Variants in GALNT13 observed in about 807,000 individuals in gnomAD.
The protein encoded by GALNT13 is polypeptide N-acetylgalactosaminyltransferase 13, also known as UDP-GalNAc:polypeptide N-acetylgalactosaminyltransferase 13.
In GALNT13, 28 loss-of-function variants were observed where a neutral mutation model predicts 64.2. The ratio of observed to expected loss-of-function variants is 0.44; its 90% CI spans 0.32 to 0.60. The LOEUF (loss-of-function observed/expected upper bound fraction) is 0.60, where lower values mean the gene tolerates loss of function less well. Ranked by LOEUF, GALNT13 falls within the 20% of genes least tolerant of loss-of-function variation. The pLI is 0.05. For missense variants in GALNT13, 577 were observed against 669.8 expected (o/e 0.86, Z 1.53); for synonymous variants, 214 against 224.6 (o/e 0.95, Z 0.42).
the GALNT13 span, among the ~76,000 whole-genome samples, chr2:153,723,110 C>G: frequency 1.5e-4 from 21 of 141,834 alleles, no homozygotes; most frequent in African/African-American, 3.4e-4. Flanking sequence ...CCACCATGAT[C>G]AAGTGGGCTT....
the GALNT13 span, among the ~76,000 whole-genome samples, chr2:153,073,494 T>C: frequency 2.6e-5 from 4 of 152,094 alleles, no homozygotes; most frequent in South Asian, 8.3e-4. Flanking sequence ...AATGAAAGAA[T>C]AATAAACTGA....
chr2:154,125,580 G>A (rs1463489504), intron 3 of GALNT13, among the ~76,000 whole-genome samples: 31 of 152,114 alleles, frequency 2.0e-4, no homozygotes, highest in Admixed American at 2.0e-3. Context: ...TAATCTGCAT[G>A]TACAAAAACG....
chr2:153,855,499 A>C, the GALNT13 span, among the ~76,000 whole-genome samples: 10 of 152,210 alleles, frequency 6.6e-5, no homozygotes, highest in Admixed American at 6.5e-4. Context: ...CAAATGCTCA[A>C]CATTAGTCAT....
At chr2:154,101,334 C>T (rs1271720488) in intron 3 of GALNT13, among the ~76,000 whole-genome samples, 3 of 151,848 alleles carry the variant, frequency 2.0e-5, no homozygotes, top group Non-Finnish European at 2.9e-5. Flanking sequence ...TTTTAATGCT[C>T]ATTCTTGCTC....
At chr2:153,487,321 C>T in the GALNT13 span, among the ~76,000 whole-genome samples, 2 of 152,214 alleles carry the variant, frequency 1.3e-5, no homozygotes, top group Admixed American at 1.3e-4. Context: ...TGTGATTCTG[C>T]AGTTGACAAA....
chr2:153,539,883 G>A, the GALNT13 span, among the ~76,000 whole-genome samples: 43,330 of 152,052 alleles, frequency 0.28, 6,477 homozygotes, highest in South Asian at 0.45. Context: ...AAATTTCTAA[G>A]CAGCAAAGCA....
chr2:153,744,920 T>A, the GALNT13 span, among the ~76,000 whole-genome samples: 2 of 152,222 alleles, frequency 1.3e-5, no homozygotes, highest in Non-Finnish European at 2.9e-5. Context: ...GAAGTCCAGG[T>A]AGGGACACGA....
At chr2:153,215,536 AACTT>A in the GALNT13 span, among the ~76,000 whole-genome samples, 32 of 152,120 alleles carry the variant, frequency 2.1e-4, 1 homozygote, top group Admixed American at 1.2e-3. Context: ...AAATGTGAAC[AACTT>A]ACTTGATCGT....
intron 4 of GALNT13, among the ~76,000 whole-genome samples, chr2:154,206,066 C>T (rs1027413609): frequency 4.6e-5 from 7 of 151,998 alleles, no homozygotes; most frequent in South Asian, 4.1e-4. Flanking sequence ...GGTGCGATCT[C>T]GGCTCACTGC....
chr2:154,105,914 G>A (rs1047805371), intron 3 of GALNT13, among the ~76,000 whole-genome samples: 5 of 152,190 alleles, frequency 3.3e-5, no homozygotes, highest in East Asian at 1.9e-4. Flanking sequence ...ACTGGATAGC[G>A]TATTTCTGAA....
chr2:154,175,550 A>T (rs1685598776), intron 4 of GALNT13, among the ~76,000 whole-genome samples: 1 of 152,122 alleles, frequency 6.6e-6, no homozygotes, highest in African/African-American at 2.4e-5. Flanking sequence ...AACAAGCAGG[A>T]TATTTTACCA....
chr2:153,315,488 A>G, the GALNT13 span, among the ~76,000 whole-genome samples: 3 of 152,252 alleles, frequency 2.0e-5, no homozygotes, highest in Non-Finnish European at 4.4e-5. Flanking sequence ...CATTCAGACC[A>G]TAGCACAGTC....
At chr2:154,219,386 C>G (rs1383545559) in intron 4 of GALNT13, among the ~76,000 whole-genome samples, 2 of 152,028 alleles carry the variant, frequency 1.3e-5, no homozygotes, top group Non-Finnish European at 2.9e-5. Context: ...TGAATTCAGG[C>G]AAATCTGGTG....
chr2:153,843,170 A>G, the GALNT13 span, among the ~76,000 whole-genome samples: 1 of 152,222 alleles, frequency 6.6e-6, no homozygotes, highest in Admixed American at 6.5e-5. Context: ...TATAATGAAA[A>G]GAGCTATAAT....
intron 12 of GALNT13, among the ~76,000 whole-genome samples, chr2:154,448,980 A>G (rs1401257279): frequency 2.6e-5 from 4 of 152,060 alleles, no homozygotes; most frequent in Non-Finnish European, 5.9e-5. Context: ...AATTTTGTTG[A>G]TTTTTAACTA....
At chr2:153,514,843 T>G in the GALNT13 span, among the ~76,000 whole-genome samples, 1 of 152,222 alleles carries the variant, frequency 6.6e-6, no homozygotes, top group African/African-American at 2.4e-5. Flanking sequence ...GAATGCTGCT[T>G]TAGTGGCCAA....
At chr2:154,174,315 A>G (rs949018500) in intron 4 of GALNT13, among the ~76,000 whole-genome samples, 1 of 152,078 alleles carries the variant, frequency 6.6e-6, no homozygotes, top group African/African-American at 2.4e-5. Flanking sequence ...ATTACAGTTT[A>G]AGCTGGGGTG....
chr2:154,154,317 G>A (rs1684269475), intron 4 of GALNT13, among the ~76,000 whole-genome samples: 1 of 152,188 alleles, frequency 6.6e-6, no homozygotes, highest in African/African-American at 2.4e-5. Context: ...CAGACAGAAG[G>A]TATGTGAGGC....
chr2:153,256,780 G>C, the GALNT13 span, among the ~76,000 whole-genome samples: 1 of 152,196 alleles, frequency 6.6e-6, no homozygotes, highest in Non-Finnish European at 1.5e-5. Context: ...CAAGGGTCAG[G>C]GACCCCCTTG....
Sources: gnomAD v4.1 joint callset for allele counts (sites outside exome capture counted in the v4.1 genomes callset) on GRCh38, gnomAD v4.1.1 for gene constraint, MANE v1.5 for transcripts, NCBI Gene and HGNC (gene_info 2026-07-23, HGNC 2026-07-21) for gene names.